The following FSTL4 variants were observed in gnomAD, a reference collection of about 807,000 sequenced individuals.
FSTL4 encodes the protein follistatin like 4.
Under a neutral mutation model 78.2 loss-of-function variants are expected in FSTL4, and 28 were observed. The ratio of observed to expected loss-of-function variants is 0.36; its 90% CI spans 0.27 to 0.49. The LOEUF is 0.49. Ranked by LOEUF, FSTL4 falls within the 20% of genes least tolerant of loss-of-function variation. FSTL4 has a pLI of 0.98. For synonymous variants in FSTL4, 422 were observed against 440.5 expected, an observed-to-expected ratio of 0.96 and a Z score of 0.53; for missense variants, 922 against 1,084.9, an observed-to-expected ratio of 0.85 and a Z score of 2.11.
upstream of FSTL4, among the ~76,000 whole-genome samples, chr5:133,616,094 G>T (rs1344847681): frequency 6.6e-6 from 1 of 152,136 alleles, no homozygotes; most frequent in African/African-American, 2.4e-5. Context: ...AGAATGTATT[G>T]TTTACAAGGG....
At chr5:133,829,997 A>G in the FSTL4 span, among the ~76,000 whole-genome samples, 30 of 152,234 alleles carry the variant, frequency 2.0e-4, no homozygotes, top group African/African-American at 5.8e-4. Context: ...CCCCGGTGAC[A>G]GCCAAGGTTG....
At chr5:133,758,407 A>C in the FSTL4 span, among the ~76,000 whole-genome samples, 1 of 152,254 alleles carries the variant, frequency 6.6e-6, no homozygotes, top group Non-Finnish European at 1.5e-5. Context: ...GAAAGTGGGG[A>C]AGGGCAAGAC....
At chr5:133,630,658 A>G in the FSTL4 span, among the ~76,000 whole-genome samples, 1 of 152,204 alleles carries the variant, frequency 6.6e-6, no homozygotes, top group Non-Finnish European at 1.5e-5. Context: ...TTCATATGGA[A>G]CCAAAAAAGA....
intron 4 of FSTL4, among the ~76,000 whole-genome samples, chr5:133,383,566 C>T (rs1197754708): frequency 4.6e-5 from 7 of 152,186 alleles, no homozygotes; most frequent in Non-Finnish European, 7.3e-5. Context: ...ACCTGCCTGT[C>T]TGACTGACAG....
chr5:133,724,668 C>T, the FSTL4 span, among the ~76,000 whole-genome samples: 152 of 152,234 alleles, frequency 1.0e-3, no homozygotes, highest in African/African-American at 3.3e-3. Context: ...TCTCAATCTG[C>T]GGCTTGTTCA....
chr5:133,786,677 G>C, the FSTL4 span, among the ~76,000 whole-genome samples: 8 of 152,216 alleles, frequency 5.3e-5, no homozygotes, highest in Non-Finnish European at 1.2e-4. Context: ...TGGTGAGGAA[G>C]TGAGACAGGC....
intron 4 of FSTL4, among the ~76,000 whole-genome samples, chr5:133,366,828 A>C (rs189518670): frequency 1.8e-3 from 274 of 152,178 alleles, no homozygotes; most frequent in African/African-American, 6.3e-3. Flanking sequence ...CCAGTTTTGA[A>C]CTGAGGTCTA....
At chr5:133,561,977 G>A (rs1449710904) in intron 3 of FSTL4, among the ~76,000 whole-genome samples, 1 of 152,160 alleles carries the variant, frequency 6.6e-6, no homozygotes, top group East Asian at 1.9e-4. Flanking sequence ...CTGTGAGGTT[G>A]GGAGACAGGA....
chr5:133,629,782 A>G, the FSTL4 span, among the ~76,000 whole-genome samples: 1 of 152,180 alleles, frequency 6.6e-6, no homozygotes, highest in Admixed American at 6.6e-5. Flanking sequence ...GCAGCACATC[A>G]AAAAGCTTAT....
chr5:133,309,348 G>A (rs948623908), intron 6 of FSTL4, among the ~76,000 whole-genome samples: 2 of 152,154 alleles, frequency 1.3e-5, no homozygotes, highest in Non-Finnish European at 2.9e-5. Flanking sequence ...CAAAGAGAAC[G>A]TTTAGTTGAC....
chr5:133,321,287 C>A (rs1294019591), intron 4 of FSTL4, among the ~76,000 whole-genome samples: 1 of 152,210 alleles, frequency 6.6e-6, no homozygotes, highest in African/African-American at 2.4e-5. Flanking sequence ...TTGGCCTCTG[C>A]TTAAACATCA....
chr5:133,472,971 A>C (rs1757854074), intron 3 of FSTL4, among the ~76,000 whole-genome samples: 1 of 152,170 alleles, frequency 6.6e-6, no homozygotes, highest in Non-Finnish European at 1.5e-5. Flanking sequence ...TCACACTCAC[A>C]AGCCATGGCA....
chr5:133,648,101 T>G, the FSTL4 span, among the ~76,000 whole-genome samples: 2 of 152,180 alleles, frequency 1.3e-5, no homozygotes, highest in Admixed American at 1.3e-4. Context: ...CATGTAGAAC[T>G]GTAAGTCCAC....
At chr5:133,765,659 G>A in the FSTL4 span, among the ~76,000 whole-genome samples, 1 of 152,172 alleles carries the variant, frequency 6.6e-6, no homozygotes, top group African/African-American at 2.4e-5. Context: ...AGGAGAGGTG[G>A]GTGAACAGAG....
At chr5:133,541,927 G>GACACACACACACACACACAC (rs61471971) in intron 3 of FSTL4, among the ~76,000 whole-genome samples, 12,241 of 148,094 alleles carry the variant, frequency 0.083, 557 homozygotes, top group East Asian at 0.14. Flanking sequence ...GAATGTTACA[G>GACACACACACACACACACAC]ACACACACAC....
At chr5:133,354,115 C>G (rs1355849418) in intron 4 of FSTL4, among the ~76,000 whole-genome samples, 1 of 152,118 alleles carries the variant, frequency 6.6e-6, no homozygotes, top group Non-Finnish European at 1.5e-5. Context: ...TTAGTTTGTG[C>G]ATCTGTAAAC....
At chr5:133,783,503 G>C in the FSTL4 span, among the ~76,000 whole-genome samples, 47 of 152,198 alleles carry the variant, frequency 3.1e-4, no homozygotes, top group Admixed American at 7.2e-4. Context: ...ACAAACACAC[G>C]GCCTCACATG....
At chr5:133,651,087 T>A in the FSTL4 span, among the ~76,000 whole-genome samples, 1 of 152,254 alleles carries the variant, frequency 6.6e-6, no homozygotes, top group African/African-American at 2.4e-5. Context: ...TAACCATGTA[T>A]CTTGCAGCTG....
intron 6 of FSTL4, among the ~76,000 whole-genome samples, chr5:133,304,155 A>C (rs1413341014): frequency 1.3e-5 from 2 of 152,230 alleles, no homozygotes; most frequent in Non-Finnish European, 2.9e-5. Flanking sequence ...AGTCCTCACA[A>C]AAGCTTTGCA....
Sources: gnomAD v4.1 joint callset for allele counts (sites outside exome capture counted in the v4.1 genomes callset) on GRCh38, gnomAD v4.1.1 for gene constraint, MANE v1.5 for transcripts, NCBI Gene and HGNC (gene_info 2026-07-23, HGNC 2026-07-21) for gene names.